Variants in ZBTB44 observed in about 807,000 individuals in gnomAD.
ZBTB44 encodes zinc finger and BTB domain-containing protein 44.
A neutral mutation model predicts 54.0 loss-of-function variants in ZBTB44; 15 were observed. The ratio of observed to expected loss-of-function variants is 0.28; its 90% CI spans 0.19 to 0.43. The LOEUF is 0.43. Among genes scored for constraint, ZBTB44 ranks in the 20% least tolerant of loss-of-function variants. The pLI is 1.00. For synonymous variants in ZBTB44, 230 were observed against 250.1 expected (o/e 0.92, Z 0.76); for missense variants, 487 against 707.1 (o/e 0.69, Z 3.53).
rs753161433 is a variant in ZBTB44, at chr11:130,261,382, G to A, written c.492C>T (p.Ser164=). 5.6e-6 allele frequency: 9 copies of A among 1,613,958 alleles called. No homozygotes were observed. Among genetic ancestry groups the A allele is most frequent in the African/African-American group, 1.3e-5 (1 of 75,028 alleles). ...TTCTTTCTACCACACTGCACTCTGA[G>A]GACACGGGAGAAATGCTCCCATCTC... ...TSRDGSISPV[S]SECSVVERTI... is the part of the protein sequence containing the mutation. Residue 164 remains serine (S), a synonymous_variant, in exon 2 of 8, where the codon TCC becomes TCT. Transcript: ENST00000357899. The surrounding 1 kb of genome is among the most constrained non-coding windows in gnomAD (Gnocchi z 4.8).
rs1027375056 is a variant in ZBTB44, at chr11:130,292,963, C to T, written c.-57+21412G>A. ...CTCTAAACTTGTCACTCTTATCAATCTAAGTAAAGGCATTTTCCCATGATA... is the reference window on the plus strand; with the variant it reads ...CTCTAAACTTGTCACTCTTATCAATTTAAGTAAAGGCATTTTCCCATGATA... On this transcript the variant is annotated intron_variant, in intron 1 of 7. Transcript: ENST00000357899. Among the ~76,000 whole-genome samples the T allele has an allele frequency of 1.2e-4, 19 of 152,156 alleles. No homozygotes were observed. In the East Asian group the frequency reaches 3.7e-3, roughly 29 times the overall value.
At chr11:130,313,930 G>A (rs1251675235) in intron 1 of ZBTB44, among the ~76,000 whole-genome samples, 4 of 94,846 alleles carry the variant, frequency 4.2e-5, no homozygotes, top group Admixed American at 4.1e-4. Flanking sequence ...GTGTATGTGT[G>A]TGTGTGTTTG....
rs981070837 is a variant in ZBTB44 at position 130,231,256 on chromosome 11, A to C, written c.*508T>G. On this transcript the variant is annotated 3_prime_UTR_variant, in exon 8 of 8. Transcript: ENST00000357899. The stretch of plus-strand genomic sequence containing the variant: ...TGTTTCCTAAAACAGATCCATAAAC[A>C]GATCCAATATCCTTAAAGTACATAT... 6.6e-6 allele frequency: 1 copy of C among 152,146 alleles called. No homozygotes were observed. The highest frequency in any genetic ancestry group is 2.4e-5 in the African/African-American group (1 of 41,450). The allele number at this position is 152,146 out of a possible 1,614,324, so 9.4% of individuals were successfully genotyped here.
Position 130,227,386 on chromosome 11 carries a change from G to T in ZBTB44, c.*4378C>A, listed in dbSNP as rs1046536765. ...ACAGTTAAGAGTTGTACTAATTCTA[G>T]GAAAGGGGTAGAAGACATAAAAACA... On this transcript the variant is annotated 3_prime_UTR_variant, in exon 8 of 8. Transcript: ENST00000357899. 11 of 152,156 alleles carry T rather than the reference G, an allele frequency of 7.2e-5. No homozygotes were observed. The highest frequency in any genetic ancestry group is 2.7e-4 in the African/African-American group (11 of 41,430). 9.4% of individuals were successfully genotyped at this position (152,156 alleles called of 1,614,324 possible).
chr11:130,238,349 A>C, intron 4 of ZBTB44, 95 bp downstream of exon 4: 1 of 1,384,816 alleles, frequency 7.2e-7, no homozygotes, highest in Non-Finnish European at 9.5e-7. Context: ...GTTTTTTTTA[A>C]AACTCAGAAG....
intron 1 of ZBTB44, among the ~76,000 whole-genome samples, chr11:130,289,598 A>T (rs903314435): frequency 2.0e-5 from 3 of 147,136 alleles, no homozygotes; most frequent in African/African-American, 7.7e-5. Context: ...GCAGACTTTA[A>T]AAAAAAAAAG....
intron 1 of ZBTB44, among the ~76,000 whole-genome samples, chr11:130,286,742 C>T (rs1940990719): frequency 6.6e-6 from 1 of 152,148 alleles, no homozygotes; most frequent in African/African-American, 2.4e-5. Flanking sequence ...GGTAGAACAA[C>T]AGCTTTTTAG....
chr11:130,284,288 C>T (rs1016369476), intron 1 of ZBTB44, among the ~76,000 whole-genome samples: 8 of 152,178 alleles, frequency 5.3e-5, no homozygotes, highest in African/African-American at 1.9e-4. Context: ...ACAACTCACA[C>T]TTTGCAGTCA....
chr11:130,303,823 G>A (rs2134472413), intron 1 of ZBTB44, among the ~76,000 whole-genome samples: 1 of 151,928 alleles, frequency 6.6e-6, no homozygotes, highest in African/African-American at 2.4e-5. Context: ...TAAAAGGGAA[G>A]AATATTCAAT....
intron 3 of ZBTB44, 64 bp from the exon 4 acceptor site, chr11:130,238,671 T>TA: frequency 7.1e-7 from 1 of 1,399,662 alleles, no homozygotes; most frequent in Non-Finnish European, 9.4e-7. Flanking sequence ...AACACTGCTA[T>TA]AGGTCAATTT....
intron 2 of ZBTB44, among the ~76,000 whole-genome samples, chr11:130,253,891 C>G (rs1938223678): frequency 6.6e-6 from 1 of 152,162 alleles, no homozygotes; most frequent in South Asian, 2.1e-4. Context: ...TGGACCAGAA[C>G]AGAGCCCTCA....
Position 130,229,459 on chromosome 11 carries a change from C to T in ZBTB44, c.*2305G>A, listed in dbSNP as rs1953796697. The T allele has an allele frequency of 6.6e-6, 1 of 152,086 alleles. No homozygotes were observed. The allele number at this position is 152,086 out of a possible 1,614,324, so 9.4% of individuals were successfully genotyped here. On this transcript the variant is annotated 3_prime_UTR_variant, in exon 8 of 8. Transcript: ENST00000357899. ...ATTCCACTTTATTGTTTAATCTGAACCATTATTGCTTTTGGCTAATTCATC... is the reference window on the plus strand; with the variant it reads ...ATTCCACTTTATTGTTTAATCTGAATCATTATTGCTTTTGGCTAATTCATC...
At chr11:130,268,071 A>G (rs1939389704) in intron 1 of ZBTB44, among the ~76,000 whole-genome samples, 1 of 144,444 alleles carries the variant, frequency 6.9e-6, no homozygotes, top group Non-Finnish European at 1.5e-5. Context: ...TCTGTCTACA[A>G]AAAAAAAAAA....
chr11:130,236,650 T>G, intron 5 of ZBTB44, 143 bp downstream of exon 5: 1 of 822,280 alleles, frequency 1.2e-6, no homozygotes. Flanking sequence ...ATCAGGAGAT[T>G]AGAGTATGAA....
intron 1 of ZBTB44, among the ~76,000 whole-genome samples, chr11:130,298,466 T>G (rs1042467106): frequency 2.7e-5 from 4 of 148,404 alleles, no homozygotes; most frequent in African/African-American, 1.0e-4. Flanking sequence ...TTTTTTTTTT[T>G]TTTTTTTTTT....
At chr11:130,278,312 CAT>C (rs1169999898) in intron 1 of ZBTB44, among the ~76,000 whole-genome samples, 2 of 152,158 alleles carry the variant, frequency 1.3e-5, no homozygotes, top group Admixed American at 6.5e-5. Context: ...TTCAGTACCT[CAT>C]ATGATTTATT....
At chr11:130,307,044 CAA>C (rs112310112) in intron 1 of ZBTB44, among the ~76,000 whole-genome samples, 73 of 71,968 alleles carry the variant, frequency 1.0e-3, no homozygotes, top group African/African-American at 2.9e-3. Context: ...TATCAACATT[CAA>C]AAAAAAAAAA....
chr11:130,283,652 AT>A lies in ZBTB44; in HGVS notation c.-56-21724del, dbSNP rs551181739. On this transcript the variant is annotated intron_variant, in intron 1 of 7. Transcript: ENST00000357899. The stretch of plus-strand genomic sequence containing the variant: ...TATTCGACAATGAGAAGGCATCTTG[AT>A]TTTTTTTCTTGATATTAAAAAGGCA... Among the ~76,000 whole-genome samples, 168 of 152,006 alleles carry A rather than the reference AT, an allele frequency of 1.1e-3. 1 individual carries two copies. Among genetic ancestry groups the A allele is most frequent in the African/African-American group, 3.9e-3 (160 of 41,474 alleles).
At chr11:130,310,954 T>G (rs2134548769) in intron 1 of ZBTB44, among the ~76,000 whole-genome samples, 1 of 152,274 alleles carries the variant, frequency 6.6e-6, no homozygotes, top group South Asian at 2.1e-4. Context: ...ATGTACATAC[T>G]TTACATATTC....
Sources: allele counts gnomAD v4.1 joint callset (sites outside exome capture counted in the v4.1 genomes callset), GRCh38; gene constraint gnomAD v4.1.1; non-coding constraint Gnocchi (gnomAD v3.1); transcripts MANE v1.5; gene names NCBI Gene and HGNC (gene_info 2026-07-23, HGNC 2026-07-21).